Variants in FRAS1 observed in about 807,000 individuals in gnomAD.
FRAS1 encodes the protein Fraser extracellular matrix complex subunit 1, also known as extracellular matrix organizing protein FRAS1.
A neutral mutation model predicts 435.2 loss-of-function variants in FRAS1; 290 were observed. The ratio of observed to expected loss-of-function variants is 0.67; its 90% CI spans 0.61 to 0.73. FRAS1 has a LOEUF of 0.73. FRAS1 is among the 30% of genes least tolerant of loss of function. The pLI is 0.00. For missense variants in FRAS1, 4,860 were observed against 5,001.5 expected (o/e 0.97, Z 0.85); for synonymous variants, 1,800 against 1,851.0 (o/e 0.97, Z 0.71).
chr4:78,476,001 A>G (rs1719841919), intron 54 of FRAS1, among the ~76,000 whole-genome samples: 1 of 152,150 alleles, frequency 6.6e-6, no homozygotes, highest in South Asian at 2.1e-4. Flanking sequence ...GCTGGCTGAG[A>G]TGATGGGAGC....
chr4:78,400,761 A>G lies in FRAS1; in HGVS notation c.4003A>G (p.Asn1335Asp), dbSNP rs780104394. The change falls in exon 30 of 74, where the codon AAT (asparagine) becomes GAT (aspartate). Residue 1335 changes from asparagine (N) to aspartate (D), a missense_variant. Asn to Asp is a conservative substitution (Grantham distance 23). Transcript: ENST00000512123. Reference protein sequence around the residue: ...QNDRGLQLVANSMVWVPEGGM... With the variant: ...QNDRGLQLVADSMVWVPEGGM... Reference sequence around the variant, plus strand: ...TGACAGGGGTCTTCAGCTTGTGGCTAATTCGATGGTGTGGGTTCCAGAAGG... The same window carrying G: ...TGACAGGGGTCTTCAGCTTGTGGCTGATTCGATGGTGTGGGTTCCAGAAGG... The G allele has an allele frequency of 3.7e-6, 6 of 1,613,116 alleles. No individual in the cohort carries two copies. The highest frequency in any genetic ancestry group is 5.1e-6 in the Non-Finnish European group (6 of 1,179,548).
chr4:78,521,684 C>A, intron 68 of FRAS1, 54 bp downstream of exon 68: 1 of 1,101,636 alleles, frequency 9.1e-7, no homozygotes, highest in Non-Finnish European at 1.4e-6. Flanking sequence ...ACATTTCACA[C>A]ATACAGAAAG....
chr4:78,488,055 C>T (rs1421770729), intron 58 of FRAS1, among the ~76,000 whole-genome samples: 1 of 152,120 alleles, frequency 6.6e-6, no homozygotes, highest in African/African-American at 2.4e-5. Flanking sequence ...ATTGCTTGAA[C>T]CCGGGAGGTA....
chr4:78,075,668 A>G (rs1288167448), intron 2 of FRAS1, among the ~76,000 whole-genome samples: 1 of 152,240 alleles, frequency 6.6e-6, no homozygotes, highest in Non-Finnish European at 1.5e-5. Flanking sequence ...AGTTGTGCCT[A>G]TATTACAGAG....
At chr4:78,497,847 A>T (rs1206904956) in intron 60 of FRAS1, among the ~76,000 whole-genome samples, 3 of 152,140 alleles carry the variant, frequency 2.0e-5, no homozygotes, top group Admixed American at 6.5e-5. Context: ...AAAATAAGAA[A>T]CTCCAGCCTC....
chr4:78,367,639 A>AT (rs113396997), intron 22 of FRAS1, among the ~76,000 whole-genome samples: 62 of 148,794 alleles, frequency 4.2e-4, no homozygotes, highest in South Asian at 4.3e-4. Context: ...AAAATCTTAG[A>AT]TTTTTTTTTT....
chr4:78,109,539 A>G (rs1742587498), intron 2 of FRAS1, among the ~76,000 whole-genome samples: 1 of 143,592 alleles, frequency 7.0e-6, no homozygotes, highest in African/African-American at 2.6e-5. Context: ...GCCTTTGACA[A>G]AATTCAACAA....
At chr4:78,299,317 G>A (rs147795913) in intron 14 of FRAS1, among the ~76,000 whole-genome samples, 4 of 152,264 alleles carry the variant, frequency 2.6e-5, no homozygotes, top group East Asian at 3.9e-4. Flanking sequence ...TGGTAACACC[G>A]AGGGTGTAGT....
chr4:78,487,000 C>T (rs185531121), intron 58 of FRAS1, among the ~76,000 whole-genome samples: 1 of 152,268 alleles, frequency 6.6e-6, no homozygotes, highest in Non-Finnish European at 1.5e-5. Flanking sequence ...TGACTTGAGG[C>T]CTGTCAGGCC....
At chr4:78,116,538 G>A (rs1016862239) in intron 2 of FRAS1, among the ~76,000 whole-genome samples, 15 of 152,116 alleles carry the variant, frequency 9.9e-5, no homozygotes, top group African/African-American at 2.9e-4. Context: ...TATATATTTA[G>A]GATAATTAGC....
At chr4:78,309,588 C>G (rs1319353682) in intron 15 of FRAS1, among the ~76,000 whole-genome samples, 2 of 152,178 alleles carry the variant, frequency 1.3e-5, no homozygotes, top group African/African-American at 4.8e-5. Flanking sequence ...GATCTTCTGG[C>G]TCTGGGCCTT....
At chr4:78,236,524 C>T (rs1029987793) in intron 2 of FRAS1, among the ~76,000 whole-genome samples, 3 of 152,030 alleles carry the variant, frequency 2.0e-5, no homozygotes, top group Non-Finnish European at 2.9e-5. Flanking sequence ...TGGCTGCTTT[C>T]AACTCTAATA....
At chr4:78,092,994 C>G (rs1334548824) in intron 2 of FRAS1, among the ~76,000 whole-genome samples, 1 of 152,160 alleles carries the variant, frequency 6.6e-6, no homozygotes, top group Non-Finnish European at 1.5e-5. Flanking sequence ...ACTCAGCAGG[C>G]TTTAACCTTT....
At chr4:78,327,936 A>G (rs1375159965) in intron 18 of FRAS1, among the ~76,000 whole-genome samples, 1 of 152,196 alleles carries the variant, frequency 6.6e-6, no homozygotes, top group Admixed American at 6.5e-5. Flanking sequence ...TAGAGAAAAA[A>G]GATACTTTAA....
intron 61 of FRAS1, among the ~76,000 whole-genome samples, chr4:78,502,100 A>G (rs1218241144): frequency 6.6e-6 from 1 of 152,164 alleles, no homozygotes; most frequent in African/African-American, 2.4e-5. Context: ...TACCAGTACC[A>G]TGCTGTTTTG....
chr4:78,074,733 A>G (rs17002916), intron 2 of FRAS1, among the ~76,000 whole-genome samples: 4,416 of 152,240 alleles, frequency 0.029, 195 homozygotes, highest in African/African-American at 0.1. Context: ...AACTGCTAAT[A>G]TTGTTGGGTG....
At chr4:78,318,078 A>G (rs762367198) in intron 17 of FRAS1, among the ~76,000 whole-genome samples, 47 of 152,236 alleles carry the variant, frequency 3.1e-4, no homozygotes, top group Non-Finnish European at 6.2e-4. Context: ...AGTGAAATCA[A>G]TGTATATTTA....
chr4:78,529,721 G>A (rs75616001), intron 70 of FRAS1, among the ~76,000 whole-genome samples: 54 of 152,256 alleles, frequency 3.5e-4, no homozygotes, highest in African/African-American at 1.3e-3. Context: ...GCTACTAAGT[G>A]ACTAACAAAT....
chr4:78,130,291 T>C (rs577351992), intron 2 of FRAS1, among the ~76,000 whole-genome samples: 2 of 152,350 alleles, frequency 1.3e-5, no homozygotes, highest in East Asian at 1.9e-4. Flanking sequence ...AAATGCTTAG[T>C]AAATTCTGAG....
Sources: allele counts gnomAD v4.1 joint callset (sites outside exome capture counted in the v4.1 genomes callset), GRCh38; gene constraint gnomAD v4.1.1; transcripts MANE v1.5; gene names NCBI Gene and HGNC (gene_info 2026-07-23, HGNC 2026-07-21).